WNK2: variants seen among roughly 807,000 people sequenced by gnomAD.
WNK2 encodes the protein WNK lysine deficient protein kinase 2, also known as serine/threonine-protein kinase WNK2.
A neutral mutation model predicts 192.1 loss-of-function variants in WNK2; 67 were observed. The ratio of observed to expected loss-of-function variants is 0.35; its 90% CI spans 0.29 to 0.43. WNK2 has a LOEUF of 0.43. WNK2 is among the 20% of genes least tolerant of loss of function. The probability of loss-of-function intolerance (pLI) is 1.00; values close to 1 mark genes in which losing one functional copy is unlikely to be tolerated. For missense variants in WNK2, 2,698 were observed against 3,089.7 expected (o/e 0.87, Z 3.01); for synonymous variants, 1,439 against 1,393.9 (o/e 1.03, Z -0.72).
chr9:93,202,712 T>G (rs1432170047), intron 2 of WNK2, among the ~76,000 whole-genome samples: 4 of 151,922 alleles, frequency 2.6e-5, no homozygotes, highest in Non-Finnish European at 5.9e-5. Context: ...GTCTCCAGCG[T>G]GATACTGGAC....
intron 16 of WNK2, 34 bp downstream of exon 16, chr9:93,264,067 G>A: frequency 6.6e-7 from 1 of 1,525,440 alleles, no homozygotes; most frequent in Non-Finnish European, 9.0e-7. Flanking sequence ...GGCTCCCGGT[G>A]TTTCTTGGAC....
chr9:93,206,341 C>A (rs899722269), intron 2 of WNK2, among the ~76,000 whole-genome samples: 1 of 152,040 alleles, frequency 6.6e-6, no homozygotes, highest in African/African-American at 2.4e-5. Context: ...GGCACGTGGA[C>A]CTAGGGTGCT....
At chr9:93,252,600 A>G (rs980149112) in intron 8 of WNK2, among the ~76,000 whole-genome samples, 14 of 152,184 alleles carry the variant, frequency 9.2e-5, no homozygotes, top group African/African-American at 3.4e-4. Flanking sequence ...TGCCCAGGCC[A>G]CGGCGGGCTG....
At chr9:93,199,284 T>C (rs1831895260) in intron 2 of WNK2, among the ~76,000 whole-genome samples, 1 of 152,198 alleles carries the variant, frequency 6.6e-6, no homozygotes, top group Non-Finnish European at 1.5e-5. Flanking sequence ...CTGATTTTCT[T>C]GTTTTCAGGC....
intron 19 of WNK2, among the ~76,000 whole-genome samples, chr9:93,277,540 A>G (rs990756036): frequency 5.9e-5 from 9 of 152,220 alleles, no homozygotes; most frequent in African/African-American, 2.2e-4. Flanking sequence ...ATTGATCAAC[A>G]TGGGTGAACC....
intron 12 of WNK2, among the ~76,000 whole-genome samples, chr9:93,260,456 G>C (rs1844041728): frequency 1.3e-5 from 2 of 152,148 alleles, no homozygotes; most frequent in Admixed American, 1.3e-4. Context: ...AGCCCTGTCA[G>C]CCCTGTAACT....
chr9:93,269,712 G>T (rs1233052108), intron 19 of WNK2, among the ~76,000 whole-genome samples: 1 of 152,236 alleles, frequency 6.6e-6, no homozygotes, highest in Non-Finnish European at 1.5e-5. Flanking sequence ...TGATGTAGGG[G>T]TGCAGGGGAC....
At chr9:93,211,195 CACACATTT>C (rs369935439) in intron 2 of WNK2, among the ~76,000 whole-genome samples, 21 of 99,692 alleles carry the variant, frequency 2.1e-4, no homozygotes, top group South Asian at 3.3e-4. Flanking sequence ...TTCACACACT[CACACATTT>C]ACTCATTCAA....
At chr9:93,184,451 C>T (rs1320777845) in intron 1 of WNK2, among the ~76,000 whole-genome samples, 66 bp downstream of exon 1, 1 of 151,668 alleles carries the variant, frequency 6.6e-6, no homozygotes, top group East Asian at 1.9e-4. Flanking sequence ...CGCTGCAGCC[C>T]CCTCCCCGCG....
chr9:93,239,225 T>C lies in WNK2; in HGVS notation c.1323-532T>C, dbSNP rs1158932148. Among the ~76,000 whole-genome samples, 2 of 152,132 alleles carry C rather than the reference T, an allele frequency of 1.3e-5. No homozygotes were observed. Among genetic ancestry groups the C allele is most frequent in the African/African-American group, 2.4e-5 (1 of 41,422 alleles). ...GCTGGGGCCCCCCCAGTTCTGCAGG[T>C]CCTCACTCTCCTCCAGCTCACCCTC... On this transcript the variant is annotated intron_variant, in intron 6 of 29. Transcript: ENST00000427277. The surrounding 1 kb of genome is among the most constrained non-coding windows in gnomAD (Gnocchi z 4.2).
chr9:93,265,033 A>G (rs1229593427), intron 16 of WNK2, among the ~76,000 whole-genome samples: 1 of 152,140 alleles, frequency 6.6e-6, no homozygotes, highest in Non-Finnish European at 1.5e-5. Context: ...GCTCCTAGGG[A>G]GCAAGTCCCT....
At chr9:93,218,547 C>T (rs1836201778) in intron 2 of WNK2, among the ~76,000 whole-genome samples, 1 of 152,228 alleles carries the variant, frequency 6.6e-6, no homozygotes, top group South Asian at 2.1e-4. Context: ...ATTTCTCTTC[C>T]TCACTTGTGT....
chr9:93,225,002 C>T (rs1469226406), intron 2 of WNK2, among the ~76,000 whole-genome samples: 1 of 152,126 alleles, frequency 6.6e-6, no homozygotes, highest in Non-Finnish European at 1.5e-5. Context: ...AACCCGATGT[C>T]AGCAAACAGG....
Position 93,317,742 on chromosome 9 carries a change from C to T in WNK2, c.6628+111C>T, listed in dbSNP as rs1281815555. ...GGGGCCCTGGGCAGGCCAGGTGGGC[C>T]AGCTGGGGGCACAGGGCAGCTGGAA... On this transcript the variant is annotated intron_variant, in intron 29 of 29. Coordinates refer to ENST00000427277, the MANE Select transcript of WNK2 (RefSeq NM_006648.4). 7 of 1,482,076 alleles carry T rather than the reference C, an allele frequency of 4.7e-6. No homozygotes were observed. In the South Asian group the frequency reaches 8.6e-5, roughly 18 times the overall value. The allele number at this position is 1,482,076 out of a possible 1,614,324, so 91.8% of individuals were successfully genotyped here.
At position 93,263,681 on chromosome 9, in the gene WNK2, C is replaced by A; in HGVS notation, c.3526C>A (p.Arg1176Ser). The A allele has an allele frequency of 1.3e-6, 2 of 1,572,212 alleles. No homozygotes were observed. Among genetic ancestry groups the A allele is most frequent in the Non-Finnish European group, 1.7e-6 (2 of 1,164,836 alleles). ...AARKHHRRST[R>S]ARSRQERASR... The stretch of plus-strand genomic sequence containing the variant: ...CCGAAAACACCACCGCAGGTCCACG[C>A]GTGCGCGCTCCCGGCAGGAGAGGGC... Residue 1176 changes from arginine to serine, a missense_variant, in exon 15 of 30, where the codon CGT becomes AGT. By Grantham distance (110) the Arg-to-Ser change is moderately radical. This residue lies in a region of WNK2 where 893 missense variants were observed against 909.0 expected (regional missense o/e 0.98). Transcript: ENST00000427277.
At chr9:93,286,606 T>G (rs1393902454) in intron 19 of WNK2, among the ~76,000 whole-genome samples, 8 of 152,212 alleles carry the variant, frequency 5.3e-5, no homozygotes, top group Non-Finnish European at 1.2e-4. Context: ...AATGTGGACC[T>G]TCCTCAAAAA....
chr9:93,263,777 CATGGTGGGGGT>C (rs2133040591), intron 15 of WNK2, 43 bp downstream of exon 15: 3 of 310,064 alleles, frequency 9.7e-6, no homozygotes, highest in East Asian at 6.8e-5. Flanking sequence ...GGGGTGGGGG[CATGGTGGGGGT>C]GTGGTGGGGG....
chr9:93,319,185 AAAAT>A (rs1221030607), intron 29 of WNK2: 10 of 1,613,578 alleles, frequency 6.2e-6, no homozygotes, highest in African/African-American at 1.3e-5. Context: ...CTGAAGGAGA[AAAAT>A]AAACACTTTT....
At chr9:93,194,235 CTTCTG>C (rs1266466910) in intron 2 of WNK2, among the ~76,000 whole-genome samples, 1 of 152,184 alleles carries the variant, frequency 6.6e-6, no homozygotes, top group Non-Finnish European at 1.5e-5. Context: ...AAATTAAATG[CTTCTG>C]TTCTGTGAAA....
Sources: gnomAD v4.1 joint callset for allele counts (sites outside exome capture counted in the v4.1 genomes callset) on GRCh38, gnomAD v4.1.1 for gene constraint, gnomAD v4.1.1 regional missense constraint, Gnocchi (gnomAD v3.1) non-coding constraint, MANE v1.5 for transcripts, NCBI Gene and HGNC (gene_info 2026-07-23, HGNC 2026-07-21) for gene names.